Variants in NCOA2 observed in about 807,000 individuals in gnomAD.
NCOA2 encodes nuclear receptor coactivator 2.
Under a neutral mutation model 145.1 loss-of-function variants are expected in NCOA2, and 21 were observed. The ratio of observed to expected loss-of-function variants is 0.14; its 90% confidence interval spans 0.10 to 0.21. NCOA2 has a LOEUF of 0.21. Ranked by LOEUF, NCOA2 falls within the 10% of genes least tolerant of loss-of-function variation. NCOA2 has a pLI of 1.00. For missense variants in NCOA2, 1,472 were observed against 1,837.6 expected (o/e 0.80, Z 3.64); for synonymous variants, 619 against 637.5 (o/e 0.97, Z 0.44).
intron 1 of NCOA2, among the ~76,000 whole-genome samples, chr8:70,370,321 T>C (rs1015729228): frequency 6.6e-6 from 1 of 151,726 alleles, no homozygotes; most frequent in Non-Finnish European, 1.5e-5. Flanking sequence ...CCCACCTATA[T>C]GAGAAAAGTA....
intron 2 of NCOA2, among the ~76,000 whole-genome samples, chr8:70,234,535 GTTTTCT>G (rs1247048914): frequency 6.6e-6 from 1 of 151,582 alleles, no homozygotes; most frequent in African/African-American, 2.4e-5. Context: ...TGTTCTTTTT[GTTTTCT>G]TTTTAAGTTA....
At chr8:70,276,267 A>G (rs999496322) in intron 2 of NCOA2, among the ~76,000 whole-genome samples, 8 of 152,178 alleles carry the variant, frequency 5.3e-5, no homozygotes, top group Admixed American at 2.0e-4. Flanking sequence ...AGGAAAGGAA[A>G]TTCTCAGGAA....
the NCOA2 span, among the ~76,000 whole-genome samples, chr8:70,420,847 G>A: frequency 6.6e-6 from 1 of 152,238 alleles, no homozygotes; most frequent in African/African-American, 2.4e-5. Context: ...GTTTCACCAT[G>A]TTGGCCAGGA....
chr8:70,364,836 T>G (rs933587062), intron 1 of NCOA2, among the ~76,000 whole-genome samples: 3 of 151,872 alleles, frequency 2.0e-5, no homozygotes, highest in East Asian at 1.9e-4. Context: ...TTTGTTTTTT[T>G]TTTTTTTTCC....
chr8:70,129,347 T>C (rs1340166855), intron 16 of NCOA2, among the ~76,000 whole-genome samples: 1 of 152,210 alleles, frequency 6.6e-6, no homozygotes, highest in Admixed American at 6.5e-5. Context: ...TGATTGATTA[T>C]TCATATCTGT....
chr8:70,146,889 C>T (rs910262203), intron 12 of NCOA2, among the ~76,000 whole-genome samples: 1 of 151,552 alleles, frequency 6.6e-6, no homozygotes, highest in African/African-American at 2.4e-5. Context: ...TGGGGTTTCA[C>T]CATGTTGGCC....
chr8:70,259,054 T>C (rs1190931710), intron 2 of NCOA2, among the ~76,000 whole-genome samples: 1 of 152,216 alleles, frequency 6.6e-6, no homozygotes, highest in Non-Finnish European at 1.5e-5. Context: ...GGCATTTTTA[T>C]GCAGACAGAT....
chr8:70,235,129 A>G (rs1333235295), intron 2 of NCOA2, among the ~76,000 whole-genome samples: 2 of 152,214 alleles, frequency 1.3e-5, no homozygotes, highest in Non-Finnish European at 2.9e-5. Flanking sequence ...ATAATAGAAT[A>G]TTATTCAGCC....
chr8:70,198,323 T>A lies in NCOA2; in HGVS notation c.259+15580A>T, dbSNP rs148667330. 9.2e-5 allele frequency among the ~76,000 whole-genome samples: 14 copies of A among 152,254 alleles called. No individual in the cohort carries two copies. In the East Asian group the frequency reaches 2.7e-3, roughly 29 times the overall value. On this transcript the variant is annotated intron_variant, in intron 4 of 22. Coordinates refer to ENST00000452400, the MANE Select transcript of NCOA2 (RefSeq NM_006540.4). ...AAAAGTGGCACACAAGCTGTGCAGTTATGAGTTAAAGAGTAATTAAGGCTG... is the reference window on the plus strand; with the variant it reads ...AAAAGTGGCACACAAGCTGTGCAGTAATGAGTTAAAGAGTAATTAAGGCTG...
intron 5 of NCOA2, among the ~76,000 whole-genome samples, chr8:70,173,177 A>G (rs1411869766): frequency 6.6e-6 from 1 of 152,214 alleles, no homozygotes; most frequent in African/African-American, 2.4e-5. Context: ...TGATTTTATG[A>G]CATCAGGTCT....
intron 1 of NCOA2, among the ~76,000 whole-genome samples, chr8:70,384,848 A>AG (rs2131505465): frequency 6.6e-6 from 1 of 152,310 alleles, no homozygotes; most frequent in South Asian, 2.1e-4. Context: ...ATGATACATC[A>AG]GATCATCTTT....
intron 4 of NCOA2, among the ~76,000 whole-genome samples, chr8:70,185,944 A>G (rs1310439926): frequency 6.6e-6 from 1 of 152,118 alleles, no homozygotes; most frequent in Non-Finnish European, 1.5e-5. Context: ...GTCCTTCTCT[A>G]CATGTATGTT....
At chr8:70,271,606 G>A (rs1008223769) in intron 2 of NCOA2, among the ~76,000 whole-genome samples, 3 of 152,170 alleles carry the variant, frequency 2.0e-5, no homozygotes, top group African/African-American at 7.2e-5. Context: ...GCTTTCCAGA[G>A]CTTACATGTT....
At chr8:70,330,173 G>A (rs1209529616) in intron 1 of NCOA2, among the ~76,000 whole-genome samples, 1 of 151,624 alleles carries the variant, frequency 6.6e-6, no homozygotes, top group Non-Finnish European at 1.5e-5. Flanking sequence ...CACAGGATAT[G>A]AAGATTATAA....
chr8:70,305,418 T>C (rs141020557), intron 1 of NCOA2, among the ~76,000 whole-genome samples: 1 of 152,152 alleles, frequency 6.6e-6, no homozygotes, highest in Admixed American at 6.5e-5. Flanking sequence ...AAAGAGAACA[T>C]TAATTTTTTA....
chr8:70,118,216 C>G (rs1807365725), intron 22 of NCOA2, among the ~76,000 whole-genome samples: 2 of 152,204 alleles, frequency 1.3e-5, no homozygotes, highest in African/African-American at 4.8e-5. Context: ...ATCCATTTTT[C>G]TCCCATAGAG....
intron 2 of NCOA2, among the ~76,000 whole-genome samples, chr8:70,227,872 C>T (rs1200838437): frequency 5.9e-5 from 9 of 151,884 alleles, no homozygotes; most frequent in African/African-American, 1.4e-4. Flanking sequence ...AAAAATTAGC[C>T]GGGCATGATT....
chr8:70,199,699 C>T (rs1273020079), intron 4 of NCOA2, among the ~76,000 whole-genome samples: 1 of 152,086 alleles, frequency 6.6e-6, no homozygotes, highest in African/African-American at 2.4e-5. Context: ...AGTATGGTGA[C>T]AAGAAAACCA....
intron 4 of NCOA2, among the ~76,000 whole-genome samples, chr8:70,205,193 G>A (rs545843558): frequency 6.6e-6 from 1 of 152,010 alleles, no homozygotes; most frequent in Non-Finnish European, 1.5e-5. Flanking sequence ...TTGGAGATTA[G>A]AAAGTGTTTT....
Sources: allele counts gnomAD v4.1 joint callset (sites outside exome capture counted in the v4.1 genomes callset), GRCh38; gene constraint gnomAD v4.1.1; transcripts MANE v1.5; gene names NCBI Gene and HGNC (gene_info 2026-07-23, HGNC 2026-07-21).